The following SLC13A3 variants were observed in gnomAD, a reference collection of about 807,000 sequenced individuals.
SLC13A3 encodes the protein solute carrier family 13 member 3.
Under a neutral mutation model 59.0 loss-of-function variants are expected in SLC13A3, and 40 were observed. The ratio of observed to expected loss-of-function variants is 0.68; its 90% confidence interval spans 0.53 to 0.88. SLC13A3 has a LOEUF of 0.88. SLC13A3 is among the 40% of genes least tolerant of loss of function. SLC13A3 has a pLI of 0.00. For synonymous variants in SLC13A3, 317 were observed against 330.3 expected (o/e 0.96, Z 0.44); for missense variants, 699 against 783.2 (o/e 0.89, Z 1.28).
At chr20:46,656,840 T>G in intron 1 of SLC13A3, among the ~76,000 whole-genome samples, 1 of 152,098 alleles carries the variant, frequency 6.6e-6, no homozygotes, top group East Asian at 1.9e-4. Context: ...TCACAGTGGG[T>G]AATTTCCATT....
At chr20:46,631,693 C>T (rs2062739573) in intron 1 of SLC13A3, among the ~76,000 whole-genome samples, 1 of 152,062 alleles carries the variant, frequency 6.6e-6, no homozygotes, top group Non-Finnish European at 1.5e-5. Context: ...CTTATAATCC[C>T]CCCACCAAAG....
chr20:46,653,279 T>C (rs1200801046), upstream of SLC13A3, among the ~76,000 whole-genome samples: 1 of 152,230 alleles, frequency 6.6e-6, no homozygotes, highest in East Asian at 1.9e-4. Flanking sequence ...ATCAAATTTT[T>C]CCTTTGGATG....
intron 6 of SLC13A3, among the ~76,000 whole-genome samples, chr20:46,590,214 T>TA (rs989711986): frequency 1.5e-4 from 22 of 151,486 alleles, no homozygotes; most frequent in South Asian, 2.1e-4. Context: ...GGTTTAAATG[T>TA]AAAAAAAAAT....
chr20:46,649,614 T>C (rs1447949964), intron 1 of SLC13A3, among the ~76,000 whole-genome samples: 2 of 152,130 alleles, frequency 1.3e-5, no homozygotes, highest in African/African-American at 2.4e-5. Flanking sequence ...TCACAAAGCC[T>C]TACTCAACCT....
chr20:46,679,685 A>C (rs2063144763), intron 1 of SLC13A3, among the ~76,000 whole-genome samples: 1 of 151,980 alleles, frequency 6.6e-6, no homozygotes, highest in Non-Finnish European at 1.5e-5. Flanking sequence ...AGGCAGGTGG[A>C]TCATTTGAGG....
intron 1 of SLC13A3, among the ~76,000 whole-genome samples, chr20:46,616,565 G>C (rs1314633100): frequency 6.6e-6 from 1 of 152,210 alleles, no homozygotes; most frequent in Non-Finnish European, 1.5e-5. Context: ...ACAAGAAGCT[G>C]AGACCCTTTT....
At chr20:46,605,893 C>T (rs114950680) in intron 3 of SLC13A3, among the ~76,000 whole-genome samples, 154 of 152,212 alleles carry the variant, frequency 1.0e-3, no homozygotes, top group African/African-American at 3.5e-3. Context: ...TCAAAAGCCC[C>T]CAAGTTAAGC....
intron 1 of SLC13A3, among the ~76,000 whole-genome samples, chr20:46,679,287 T>C (rs535212462): frequency 2.6e-5 from 4 of 152,338 alleles, no homozygotes; most frequent in South Asian, 4.1e-4. Flanking sequence ...CCGGGTGCCA[T>C]GGCTCATGCC....
At chr20:46,681,520 A>G (rs1159601868) in intron 1 of SLC13A3, among the ~76,000 whole-genome samples, 1 of 152,084 alleles carries the variant, frequency 6.6e-6, no homozygotes, top group Non-Finnish European at 1.5e-5. Context: ...CAAGAATGAC[A>G]GTAACTTACG....
chr20:46,601,613 A>T (rs1328887502), intron 3 of SLC13A3, among the ~76,000 whole-genome samples: 2 of 152,232 alleles, frequency 1.3e-5, no homozygotes, highest in African/African-American at 4.8e-5. Flanking sequence ...TCAAATGAAG[A>T]TGCATGCCAT....
chr20:46,669,518 C>T (rs574464131), intron 1 of SLC13A3, among the ~76,000 whole-genome samples: 33 of 152,244 alleles, frequency 2.2e-4, no homozygotes, highest in African/African-American at 7.9e-4. Flanking sequence ...GTCTGTGTTG[C>T]TAACCCTCAA....
intron 9 of SLC13A3, among the ~76,000 whole-genome samples, chr20:46,576,012 T>C (rs1307726299): frequency 1.3e-5 from 2 of 152,212 alleles, no homozygotes; most frequent in Non-Finnish European, 2.9e-5. Flanking sequence ...AAAGGCTTTC[T>C]TTGTACTGGA....
intron 1 of SLC13A3, among the ~76,000 whole-genome samples, chr20:46,616,887 G>A (rs1166600299): frequency 6.6e-6 from 1 of 152,156 alleles, no homozygotes; most frequent in Admixed American, 6.5e-5. Flanking sequence ...AGAGCCAAAG[G>A]GGCCTTCCTG....
chr20:46,674,604 CGTGTGTGTGTGTGTGT>C (rs58582046), upstream of SLC13A3, among the ~76,000 whole-genome samples: 3 of 127,882 alleles, frequency 2.3e-5, no homozygotes, highest in Non-Finnish European at 3.3e-5. Flanking sequence ...CGCGCGCGCG[CGTGTGTGTGTGTGTGT>C]GTGTGTGTGT....
At chr20:46,674,515 T>C (rs1011380929), upstream of SLC13A3, among the ~76,000 whole-genome samples, 1 of 152,024 alleles carries the variant, frequency 6.6e-6, no homozygotes, top group Non-Finnish European at 1.5e-5. Flanking sequence ...TGTTCTGTTT[T>C]TTGTTCCAAA....
chr20:46,639,142 G>A (rs1388154992), intron 1 of SLC13A3, among the ~76,000 whole-genome samples: 1 of 151,540 alleles, frequency 6.6e-6, no homozygotes, highest in Admixed American at 6.6e-5. Context: ...TCACACAGTT[G>A]GTTAAAAAGC....
intron 1 of SLC13A3, among the ~76,000 whole-genome samples, chr20:46,684,078 C>T (rs1340400766): frequency 6.6e-6 from 1 of 152,204 alleles, no homozygotes; most frequent in Non-Finnish European, 1.5e-5. Context: ...TCATGTTCTG[C>T]TCCTCCCCCT....
At chr20:46,560,369 A>G (rs372888960) in intron 12 of SLC13A3, among the ~76,000 whole-genome samples, 171 bp from the exon 13 acceptor site, 1 of 152,158 alleles carries the variant, frequency 6.6e-6, no homozygotes, top group African/African-American at 2.4e-5. Context: ...CAATCTTTAC[A>G]CTACCCTAGG....
intron 1 of SLC13A3, among the ~76,000 whole-genome samples, chr20:46,615,932 T>C (rs986254953): frequency 1.3e-5 from 2 of 152,188 alleles, no homozygotes; most frequent in African/African-American, 4.8e-5. Flanking sequence ...CCACAGTTAA[T>C]ACAAAGTTAT....
Sources: gnomAD v4.1 joint callset for allele counts (sites outside exome capture counted in the v4.1 genomes callset) on GRCh38, gnomAD v4.1.1 for gene constraint, MANE v1.5 for transcripts, NCBI Gene and HGNC (gene_info 2026-07-23, HGNC 2026-07-21) for gene names.